TRAK1: variants seen among roughly 807,000 people sequenced by gnomAD.
The protein encoded by TRAK1 is trafficking kinesin-binding protein 1.
In TRAK1, 33 loss-of-function variants were observed where a neutral mutation model predicts 92.1. The observed-to-expected ratio is 0.36, with a 90% CI of 0.27 to 0.48. TRAK1 has a LOEUF of 0.48. Among genes scored for constraint, TRAK1 ranks in the 20% least tolerant of loss-of-function variants. TRAK1 has a pLI of 0.99. For synonymous variants in TRAK1, 521 were observed against 517.3 expected (o/e 1.01, Z -0.10); for missense variants, 1,123 against 1,257.9 (o/e 0.89, Z 1.62).
At chr3:42,164,555 C>A (rs1485664689) in intron 2 of TRAK1, among the ~76,000 whole-genome samples, 1 of 152,180 alleles carries the variant, frequency 6.6e-6, no homozygotes, top group Non-Finnish European at 1.5e-5. Flanking sequence ...TTTCACCATG[C>A]CCAGGCTCTA....
chr3:42,023,870 C>T (rs922631316), intron 1 of TRAK1, among the ~76,000 whole-genome samples: 11 of 150,056 alleles, frequency 7.3e-5, no homozygotes, highest in Admixed American at 5.4e-4. Context: ...TCTCCTGCCT[C>T]AGCCTCCCGA....
intron 1 of TRAK1, among the ~76,000 whole-genome samples, chr3:42,097,699 G>T (rs1338028554): frequency 6.6e-6 from 1 of 152,144 alleles, no homozygotes; most frequent in Non-Finnish European, 1.5e-5. Flanking sequence ...GCACATCACT[G>T]CCTGGTAGGC....
chr3:42,030,368 A>ATATATATATATATATAT, intron 1 of TRAK1, among the ~76,000 whole-genome samples: 3 of 75,770 alleles, frequency 4.0e-5, no homozygotes, highest in African/African-American at 1.1e-4. Context: ...TCTCTAAAAA[A>ATATATATATATATATAT]AAAAATATAT....
intron 2 of TRAK1, among the ~76,000 whole-genome samples, chr3:42,153,622 G>C (rs1482656428): frequency 2.0e-5 from 3 of 152,146 alleles, no homozygotes; most frequent in African/African-American, 7.2e-5. Context: ...TATTCTTACA[G>C]CTTCTTACTC....
At chr3:42,050,692 C>G (rs1430033053) in intron 1 of TRAK1, among the ~76,000 whole-genome samples, 1 of 151,976 alleles carries the variant, frequency 6.6e-6, no homozygotes, top group Non-Finnish European at 1.5e-5. Context: ...GAGTCTTGCT[C>G]TATTGCCCAG....
intron 2 of TRAK1, among the ~76,000 whole-genome samples, chr3:42,136,959 G>A (rs999816463): frequency 6.6e-6 from 1 of 152,138 alleles, no homozygotes; most frequent in Non-Finnish European, 1.5e-5. Context: ...GATTACAGGC[G>A]TGAGCTACCG....
chr3:42,104,570 A>G (rs1203535633), intron 1 of TRAK1, among the ~76,000 whole-genome samples: 1 of 152,176 alleles, frequency 6.6e-6, no homozygotes, highest in African/African-American at 2.4e-5. Context: ...CGCTGGTGAT[A>G]CCCGGGCAAA....
intron 1 of TRAK1, among the ~76,000 whole-genome samples, chr3:42,100,110 A>G (rs1399097824): frequency 6.6e-6 from 1 of 152,218 alleles, no homozygotes; most frequent in African/African-American, 2.4e-5. Context: ...CTGTAATTCC[A>G]GCACTTTGGG....
intron 13 of TRAK1, among the ~76,000 whole-genome samples, chr3:42,209,267 C>G (rs968325027): frequency 6.6e-6 from 1 of 152,122 alleles, no homozygotes; most frequent in African/African-American, 2.4e-5. Flanking sequence ...TTTTGCTTTT[C>G]TCTTGCTGTT....
intron 1 of TRAK1, among the ~76,000 whole-genome samples, chr3:42,107,426 T>G (rs912254968): frequency 8.6e-5 from 13 of 151,566 alleles, no homozygotes; most frequent in African/African-American, 2.9e-4. Flanking sequence ...GCAGGGGAAT[T>G]GCTTGAACCC....
chr3:42,165,280 CA>C (rs1230073435), intron 2 of TRAK1, among the ~76,000 whole-genome samples: 1 of 152,104 alleles, frequency 6.6e-6, no homozygotes, highest in Admixed American at 6.5e-5. Flanking sequence ...CAGTCTTCTG[CA>C]CAAAGGGCAG....
intron 14 of TRAK1, 57 bp from the exon 15 acceptor site, chr3:42,219,437 A>G: frequency 1.9e-6 from 3 of 1,612,676 alleles, no homozygotes; most frequent in Non-Finnish European, 2.5e-6. Flanking sequence ...CTGGATTTTA[A>G]TTTTTATTGT....
intron 1 of TRAK1, among the ~76,000 whole-genome samples, chr3:42,056,363 T>G (rs1196503708): frequency 2.0e-5 from 3 of 152,254 alleles, no homozygotes; most frequent in African/African-American, 7.2e-5. Context: ...TCTGTCTTTT[T>G]GATTATAGAA....
At chr3:42,191,101 C>T (rs1206033110) in intron 6 of TRAK1, among the ~76,000 whole-genome samples, 1 of 152,154 alleles carries the variant, frequency 6.6e-6, no homozygotes, top group Non-Finnish European at 1.5e-5. Context: ...CAACTTGGGA[C>T]CTCATATGTT....
chr3:42,071,571 G>C (rs922753623), intron 1 of TRAK1, among the ~76,000 whole-genome samples: 4 of 152,090 alleles, frequency 2.6e-5, no homozygotes, highest in African/African-American at 9.7e-5. Flanking sequence ...AGCTGGTTTT[G>C]GTGGTGGGCG....
chr3:42,151,781 T>C (rs1307812158), intron 2 of TRAK1, among the ~76,000 whole-genome samples: 2 of 152,246 alleles, frequency 1.3e-5, no homozygotes, highest in African/African-American at 2.4e-5. Flanking sequence ...TGTTTATATG[T>C]ACCTGTCTTT....
intron 14 of TRAK1, among the ~76,000 whole-genome samples, chr3:42,212,842 T>G (rs1344211775): frequency 6.6e-6 from 1 of 152,210 alleles, no homozygotes; most frequent in African/African-American, 2.4e-5. Flanking sequence ...TTGAATTATC[T>G]TGAATGCTTT....
At chr3:42,031,262 C>T (rs908262973) in intron 1 of TRAK1, among the ~76,000 whole-genome samples, 5 of 151,766 alleles carry the variant, frequency 3.3e-5, no homozygotes, top group East Asian at 2.0e-4. Context: ...TGGTCTCGAA[C>T]GCCTGACCTT....
chr3:42,138,668 C>T (rs1043766589), intron 2 of TRAK1, among the ~76,000 whole-genome samples: 9 of 150,830 alleles, frequency 6.0e-5, no homozygotes, highest in African/African-American at 2.2e-4. Flanking sequence ...AGGAGGATTG[C>T]CTGAATCCAG....
Sources: allele counts gnomAD v4.1 joint callset (sites outside exome capture counted in the v4.1 genomes callset), GRCh38; gene constraint gnomAD v4.1.1; transcripts MANE v1.5; gene names NCBI Gene and HGNC (gene_info 2026-07-23, HGNC 2026-07-21).